STOX2: variants seen among roughly 807,000 people sequenced by gnomAD.
STOX2 encodes storkhead-box protein 2.
A neutral mutation model predicts 60.9 loss-of-function variants in STOX2; 28 were observed. That is an observed-to-expected ratio of 0.46 (90% CI 0.34 to 0.63). STOX2 has a LOEUF of 0.63. STOX2 is among the 30% of genes least tolerant of loss of function. STOX2 has a pLI of 0.01. For synonymous variants in STOX2, 472 were observed against 463.9 expected (o/e 1.02, Z -0.22); for missense variants, 1,024 against 1,187.7 (o/e 0.86, Z 2.03).
chr4:183,914,115 C>T (rs557408008), intron 1 of STOX2, among the ~76,000 whole-genome samples: 179 of 152,136 alleles, frequency 1.2e-3, no homozygotes, highest in African/African-American at 4.0e-3. Flanking sequence ...TAGTGGAAAA[C>T]CTGAGTAGGC....
chr4:184,004,867 C>T (rs960251730), intron 2 of STOX2, among the ~76,000 whole-genome samples: 1 of 152,190 alleles, frequency 6.6e-6, no homozygotes, highest in African/African-American at 2.4e-5. Context: ...GCTGTTACAA[C>T]TGAATCTTTC....
intron 1 of STOX2, among the ~76,000 whole-genome samples, chr4:183,980,943 T>C (rs1271531650): frequency 6.6e-6 from 1 of 152,192 alleles, no homozygotes; most frequent in Non-Finnish European, 1.5e-5. Flanking sequence ...GTCACTCAGT[T>C]TCTCAGCTCT....
At chr4:183,874,744 G>A (rs1040234168) in intron 1 of STOX2, among the ~76,000 whole-genome samples, 19 of 150,412 alleles carry the variant, frequency 1.3e-4, no homozygotes, top group Non-Finnish European at 2.7e-4. Flanking sequence ...GGCTAACACG[G>A]TGAAACCCCG....
intron 1 of STOX2, among the ~76,000 whole-genome samples, chr4:183,804,573 G>T (rs937593308): frequency 2.0e-5 from 3 of 152,248 alleles, no homozygotes; most frequent in Non-Finnish European, 4.4e-5. Context: ...AATGTGCACT[G>T]GGTTGGGGTC....
chr4:183,840,563 T>C (rs901163685), intron 1 of STOX2, among the ~76,000 whole-genome samples: 8 of 152,282 alleles, frequency 5.3e-5, no homozygotes, highest in Admixed American at 3.3e-4. Context: ...GTGGGGTGAG[T>C]GTGTGGCAGT....
intron 1 of STOX2, among the ~76,000 whole-genome samples, chr4:183,815,044 C>T (rs114073420): frequency 0.012 from 1,890 of 151,792 alleles, 19 homozygotes; most frequent in African/African-American, 0.035. Flanking sequence ...CTGTTGCCCA[C>T]GCTGGAGTGC....
intron 1 of STOX2, among the ~76,000 whole-genome samples, chr4:183,871,584 A>G (rs567906036): frequency 9.2e-5 from 14 of 152,308 alleles, no homozygotes; most frequent in African/African-American, 2.6e-4. Flanking sequence ...AATAATGGCA[A>G]TTAATGACAA....
intron 1 of STOX2, among the ~76,000 whole-genome samples, chr4:183,848,192 AG>A (rs1344331117): frequency 6.6e-6 from 1 of 152,230 alleles, no homozygotes; most frequent in Non-Finnish European, 1.5e-5. Context: ...GGGGATGAAC[AG>A]GTAAGAGCCA....
At chr4:183,986,018 G>A (rs1732825875) in intron 1 of STOX2, among the ~76,000 whole-genome samples, 2 of 152,108 alleles carry the variant, frequency 1.3e-5, no homozygotes, top group Non-Finnish European at 2.9e-5. Context: ...CGCTGGTGCT[G>A]GGCCCTAGGC....
intron 1 of STOX2, chr4:183,853,917 A>G (rs895332791): frequency 6.6e-6 from 1 of 152,206 alleles, no homozygotes; most frequent in Non-Finnish European, 1.5e-5. Flanking sequence ...TTTAAACACA[A>G]TGCTTCATAA....
chr4:183,853,532 T>C (rs887706524), intron 1 of STOX2: 64 of 152,202 alleles, frequency 4.2e-4, no homozygotes, highest in African/African-American at 1.5e-3. Context: ...ATCTCTGGGC[T>C]GCTTAAGGAG....
chr4:183,948,936 C>T (rs892866401), intron 1 of STOX2, among the ~76,000 whole-genome samples: 9 of 152,144 alleles, frequency 5.9e-5, no homozygotes, highest in Admixed American at 1.3e-4. Flanking sequence ...AGAGGGTGCT[C>T]GGCAAATCTT....
At chr4:183,946,612 A>C (rs144905785) in intron 1 of STOX2, among the ~76,000 whole-genome samples, 1 of 140,924 alleles carries the variant, frequency 7.1e-6, no homozygotes, top group Admixed American at 7.6e-5. Context: ...CGTAACAACT[A>C]TTTACATAGT....
chr4:183,856,288 A>T lies in STOX2; in HGVS notation c.364+58233A>T, dbSNP rs116093556. 2.5e-3 allele frequency among the ~76,000 whole-genome samples: 386 copies of T among 152,288 alleles called. No individual in the cohort carries two copies. Among genetic ancestry groups the T allele is most frequent in the African/African-American group, 9.0e-3 (374 of 41,552 alleles). On this transcript the variant is annotated intron_variant, in intron 1 of 2. Transcript: ENST00000513034. The surrounding 1 kb of genome is among the most constrained non-coding windows in gnomAD (Gnocchi z 4.0). Reference sequence around the variant, plus strand: ...CCAAGACGAGCCTATGAACTAAAAAAATCTGCACCATTAATTAAAGAAATG... The same window carrying T: ...CCAAGACGAGCCTATGAACTAAAAATATCTGCACCATTAATTAAAGAAATG...
chr4:183,862,817 C>A (rs1740479839), intron 1 of STOX2, among the ~76,000 whole-genome samples: 1 of 152,188 alleles, frequency 6.6e-6, no homozygotes, highest in South Asian at 2.1e-4. Context: ...TAACGGTGCC[C>A]TGTGGGACTT....
At chr4:183,963,815 A>C (rs572503038) in intron 1 of STOX2, among the ~76,000 whole-genome samples, 19 of 146,762 alleles carry the variant, frequency 1.3e-4, no homozygotes, top group South Asian at 4.3e-4. Context: ...TCGCTCTGTC[A>C]CCCAGGCTGG....
At chr4:183,967,627 G>A (rs1173171701) in intron 1 of STOX2, among the ~76,000 whole-genome samples, 1 of 152,116 alleles carries the variant, frequency 6.6e-6, no homozygotes, top group Non-Finnish European at 1.5e-5. Context: ...ATAACTTGTT[G>A]TGTGCTCTAC....
At position 184,001,563 on chromosome 4, in the gene STOX2, A is replaced by G; in HGVS notation, c.319+86A>G. 1 of 1,327,066 alleles carries G rather than the reference A, an allele frequency of 7.5e-7. No homozygotes were observed. The highest frequency in any genetic ancestry group is 1.5e-5 in the South Asian group (1 of 66,198). 82.2% of individuals were successfully genotyped at this position (1,327,066 alleles called of 1,614,324 possible). Reference sequence around the variant, plus strand: ...CACGTGGACTGTTCTGCCCATGTTTAAAGAGAATAGGAAAACATTCTTCCC... The same window carrying G: ...CACGTGGACTGTTCTGCCCATGTTTGAAGAGAATAGGAAAACATTCTTCCC... On this transcript the variant is annotated intron_variant, in intron 2 of 3. Coordinates refer to ENST00000308497, the MANE Select transcript of STOX2 (RefSeq NM_020225.3). This position sits in a 1 kb window ranked among gnomAD's most constrained non-coding sequence, Gnocchi z 4.2.
chr4:183,997,830 T>C (rs974333372), intron 1 of STOX2, among the ~76,000 whole-genome samples: 4 of 152,212 alleles, frequency 2.6e-5, no homozygotes, highest in African/African-American at 9.6e-5. Flanking sequence ...TTATTGCCCA[T>C]ATTCATTATT....
Sources: gnomAD v4.1 joint callset for allele counts (sites outside exome capture counted in the v4.1 genomes callset) on GRCh38, gnomAD v4.1.1 for gene constraint, Gnocchi (gnomAD v3.1) non-coding constraint, MANE v1.5 for transcripts, NCBI Gene and HGNC (gene_info 2026-07-23, HGNC 2026-07-21) for gene names.